The following SASH1 variants were observed in gnomAD, a reference collection of about 807,000 sequenced individuals.
SASH1 encodes SAM and SH3 domain containing 1, also known as SAM and SH3 domain-containing protein 1.
SASH1 carries 44 observed loss-of-function variants against 125.2 expected under a neutral mutation model. That is an observed-to-expected ratio of 0.35 (90% CI 0.28 to 0.45). SASH1 has a LOEUF of 0.45. Ranked by LOEUF, SASH1 falls within the 20% of genes least tolerant of loss-of-function variation. The probability of loss-of-function intolerance (pLI) is 1.00; values close to 1 mark genes in which losing one functional copy is unlikely to be tolerated. For synonymous variants in SASH1, 639 were observed against 649.1 expected, an observed-to-expected ratio of 0.98 and a Z score of 0.24; for missense variants, 1,426 against 1,614.5, an observed-to-expected ratio of 0.88 and a Z score of 2.00.
At chr6:148,470,474 A>G (rs1200224684) in intron 5 of SASH1, among the ~76,000 whole-genome samples, 1 of 152,224 alleles carries the variant, frequency 6.6e-6, no homozygotes, top group African/African-American at 2.4e-5. Flanking sequence ...AATGTGCCAC[A>G]TCAGCACGAT....
Position 148,421,142 on chromosome 6 carries a change from GAAGGAAGAAAGAAAGA to G in SASH1, c.286-19038_286-19023del, listed in dbSNP as rs1299184795. ...GAAAGGAAGAAAGGAAGGAAGGAAG[GAAGGAAGAAAGAAAGA>G]AAGAAAGAAAGAAAGAAAGAAAGAA... On this transcript the variant is annotated intron_variant, in intron 2 of 19. Transcript: ENST00000367467. 3.5e-3 allele frequency among the ~76,000 whole-genome samples: 174 copies of G among 50,426 alleles called. 2 individuals are homozygous for G. Among genetic ancestry groups the G allele is most frequent in the South Asian group, 6.5e-3 (12 of 1,846 alleles). The allele number at this position is 50,426 out of a possible 152,430, so 33.1% of individuals were successfully genotyped here.
At chr6:148,404,541 A>G (rs1396933877) in intron 2 of SASH1, among the ~76,000 whole-genome samples, 1 of 148,228 alleles carries the variant, frequency 6.7e-6, no homozygotes, top group East Asian at 2.0e-4. Flanking sequence ...CTGACTTACT[A>G]CCCACCCCCA....
chr6:148,201,856 G>C, the SASH1 span, among the ~76,000 whole-genome samples: 1 of 152,206 alleles, frequency 6.6e-6, no homozygotes, highest in African/African-American at 2.4e-5. Context: ...TGAACATAAA[G>C]GGTGGTGGGT....
chr6:148,387,584 CTT>C (rs1477390388), intron 1 of SASH1, among the ~76,000 whole-genome samples: 1 of 6,608 alleles, frequency 1.5e-4, no homozygotes, highest in Non-Finnish European at 2.7e-4. Flanking sequence ...TTCTTTCTTT[CTT>C]TCTTTCTTTC....
chr6:148,308,615 C>T (rs955714395), intron 1 of SASH1, among the ~76,000 whole-genome samples: 5 of 150,714 alleles, frequency 3.3e-5, no homozygotes, highest in African/African-American at 9.7e-5. Context: ...AGGCTGGTCT[C>T]GAACTCCTGA....
intron 2 of SASH1, among the ~76,000 whole-genome samples, chr6:148,402,641 G>C (rs984255486): frequency 4.2e-5 from 6 of 141,830 alleles, no homozygotes; most frequent in Non-Finnish European, 7.5e-5. Flanking sequence ...TGGAGACAGA[G>C]TCTCGCTCGG....
At chr6:148,334,320 C>A (rs1781085238) in intron 1 of SASH1, among the ~76,000 whole-genome samples, 1 of 142,632 alleles carries the variant, frequency 7.0e-6, no homozygotes, top group African/African-American at 2.6e-5. Flanking sequence ...CCCAGCTACT[C>A]GGGAGGCTGA....
intron 4 of SASH1, among the ~76,000 whole-genome samples, chr6:148,445,321 G>A (rs537396686): frequency 4.8e-4 from 73 of 152,222 alleles, no homozygotes; most frequent in African/African-American, 1.6e-3. Context: ...AGGTGGAGAC[G>A]CTCTGGTTCA....
At chr6:148,229,963 C>T in the SASH1 span, among the ~76,000 whole-genome samples, 3 of 152,052 alleles carry the variant, frequency 2.0e-5, no homozygotes, top group Non-Finnish European at 2.9e-5. Context: ...CCACCCGCCT[C>T]GGCCTCCCAA....
chr6:148,519,566 T>C lies in SASH1; in HGVS notation c.882T>C (p.Phe294=). Residue 294 remains phenylalanine (F), a synonymous_variant, in exon 10 of 20, where the codon TTT becomes TTC. Coordinates refer to ENST00000367467, the MANE Select transcript of SASH1 (RefSeq NM_015278.5). This position sits in a 1 kb window ranked among gnomAD's most constrained non-coding sequence, Gnocchi z 4.8. ...PSTEGGEEHV[F]ENSPVLDERS... is the part of the protein sequence containing the mutation. ...CTCCAGGTGGGGAGGAGCACGTGTT[T>C]GAGAATTCGCCGGTCCTGGATGAAC... The C allele has an allele frequency of 6.2e-7, 1 of 1,611,390 alleles. No homozygotes were observed. Among genetic ancestry groups the C allele is most frequent in the Non-Finnish European group, 8.5e-7 (1 of 1,177,876 alleles).
At chr6:148,289,174 A>C (rs1220214844) in intron 1 of SASH1, among the ~76,000 whole-genome samples, 2 of 152,084 alleles carry the variant, frequency 1.3e-5, no homozygotes, top group African/African-American at 4.8e-5. Flanking sequence ...AAAACACAAC[A>C]TCAGTTTCAA....
upstream of SASH1, among the ~76,000 whole-genome samples, chr6:148,337,956 C>T (rs1311542346): frequency 6.7e-6 from 1 of 149,976 alleles, no homozygotes; most frequent in African/African-American, 2.4e-5. Context: ...CCTTGGAATT[C>T]ACTCACCCAC....
chr6:148,352,009 A>T (rs1303764643), intron 1 of SASH1, among the ~76,000 whole-genome samples: 1 of 151,434 alleles, frequency 6.6e-6, no homozygotes, highest in Non-Finnish European at 1.5e-5. Flanking sequence ...CCAGTCTTTT[A>T]AAAAAAAAGT....
At chr6:148,239,419 AG>A in the SASH1 span, among the ~76,000 whole-genome samples, 5 of 152,176 alleles carry the variant, frequency 3.3e-5, no homozygotes, top group Admixed American at 1.3e-4. Context: ...CTCCCGTAAC[AG>A]GGCGTGGATT....
intron 1 of SASH1, among the ~76,000 whole-genome samples, chr6:148,358,840 A>G (rs1782063161): frequency 7.0e-6 from 1 of 143,202 alleles, no homozygotes. Context: ...GGTTCACGCC[A>G]TTCTCCTGCC....
intron 1 of SASH1, among the ~76,000 whole-genome samples, chr6:148,367,813 G>A (rs1456130803): frequency 6.6e-6 from 1 of 152,234 alleles, no homozygotes; most frequent in East Asian, 1.9e-4. Flanking sequence ...AAGCCCAGGA[G>A]GGGGACACCC....
chr6:148,293,109 T>G (rs1382623038), intron 1 of SASH1, among the ~76,000 whole-genome samples: 1 of 151,712 alleles, frequency 6.6e-6, no homozygotes. Context: ...GTGTATAAGA[T>G]CTACCATGAT....
At chr6:148,343,368 A>G in intron 1 of SASH1, 145 bp downstream of exon 1, 1 of 665,946 alleles carries the variant, frequency 1.5e-6, no homozygotes, top group Non-Finnish European at 2.4e-6. Context: ...GGGGCTAAAT[A>G]CACACAGTAT....
At chr6:148,433,958 A>G (rs904189787) in intron 2 of SASH1, among the ~76,000 whole-genome samples, 2 of 151,748 alleles carry the variant, frequency 1.3e-5, no homozygotes, top group African/African-American at 4.8e-5. Context: ...GAAAAAGGTT[A>G]TAAATTGAGA....
Sources: allele counts gnomAD v4.1 joint callset (sites outside exome capture counted in the v4.1 genomes callset), GRCh38; gene constraint gnomAD v4.1.1; non-coding constraint Gnocchi (gnomAD v3.1); transcripts MANE v1.5; gene names NCBI Gene and HGNC (gene_info 2026-07-23, HGNC 2026-07-21).